NTRK3: variants seen among roughly 807,000 people sequenced by gnomAD.
The protein encoded by NTRK3 is NT-3 growth factor receptor.
Under a neutral mutation model 91.7 loss-of-function variants are expected in NTRK3, and 24 were observed. The ratio of observed to expected loss-of-function variants is 0.26; its 90% CI spans 0.19 to 0.37. The LOEUF (loss-of-function observed/expected upper bound fraction) is 0.37, where lower values mean the gene tolerates loss of function less well. NTRK3 is among the 10% of genes least tolerant of loss of function. NTRK3 has a pLI of 1.00. For missense variants in NTRK3, 880 were observed against 1,068.9 expected (o/e 0.82, Z 2.46); for synonymous variants, 483 against 404.0 (o/e 1.20, Z -2.34).
intron 9 of NTRK3, 84 bp from the exon 10 acceptor site, chr15:88,135,481 C>A: frequency 1.4e-6 from 2 of 1,440,130 alleles, no homozygotes; most frequent in Non-Finnish European, 1.9e-6. Flanking sequence ...AAATGGGAAT[C>A]CCGGTTCTTC....
In NTRK3 at chr15:87,957,458, C is replaced by G. The variant is rs139793532; in HGVS notation, c.1586-16705G>C. ...GTTCCACTGCCCCTGGCTGTATAAC[C>G]TCTTTGAGCCTCAATCTCCTCATCT... On this transcript the variant is annotated intron_variant, in intron 14 of 18. Transcript: ENST00000394480. Among the ~76,000 whole-genome samples the G allele has an allele frequency of 1.8e-3, 276 of 152,312 alleles. 2 individuals carry two copies. Among genetic ancestry groups the G allele is most frequent in the Non-Finnish European group, 3.2e-3 (220 of 68,034 alleles).
chr15:88,102,818 C>G (rs187640577), intron 13 of NTRK3, among the ~76,000 whole-genome samples: 36 of 152,256 alleles, frequency 2.4e-4, no homozygotes, highest in Non-Finnish European at 4.9e-4. Flanking sequence ...GATCACCTTC[C>G]AGAATCCGAC....
chr15:88,138,160 T>C (rs1447358469), intron 6 of NTRK3, among the ~76,000 whole-genome samples: 2 of 152,030 alleles, frequency 1.3e-5, no homozygotes, highest in African/African-American at 4.8e-5. Flanking sequence ...TCCCAGAACT[T>C]TGGGAGGCCG....
intron 3 of NTRK3, among the ~76,000 whole-genome samples, chr15:88,242,113 G>C (rs1024868824): frequency 6.6e-6 from 1 of 152,204 alleles, no homozygotes; most frequent in East Asian, 1.9e-4. Context: ...ACACTGATGC[G>C]TGGCTTTCCT....
chr15:87,862,922 C>A (rs2064564760), exon 19 of NTRK3: 1 of 230,860 alleles, frequency 4.3e-6, no homozygotes, highest in Non-Finnish European at 8.6e-6. Flanking sequence ...TTCTGCTCAA[C>A]TGCTGTGAAA....
intron 5 of NTRK3, among the ~76,000 whole-genome samples, chr15:88,178,315 A>AT (rs772372876): frequency 1.1e-4 from 17 of 152,264 alleles, no homozygotes; most frequent in Non-Finnish European, 2.2e-4. Flanking sequence ...CCATGTCACC[A>AT]TTTTTTCACC....
chr15:88,124,704 G>C (rs142587945), intron 13 of NTRK3, among the ~76,000 whole-genome samples: 4 of 152,292 alleles, frequency 2.6e-5, no homozygotes, highest in Non-Finnish European at 4.4e-5. Flanking sequence ...TCATCTTCTA[G>C]ATCTAGAAAG....
rs371109998 is a variant in NTRK3 at position 87,975,624 on chromosome 15, C to T, written c.1586-34871G>A. 8.6e-4 allele frequency among the ~76,000 whole-genome samples: 131 copies of T among 152,280 alleles called. 3 individuals carry two copies. The South Asian group carries it at 0.026, about 30-fold the overall frequency. ...TCTGCCCTATACCAGCTCTGACTTC[C>T]CTAGAGGCACCAACCCTGGGGTAAA... On this transcript the variant is annotated intron_variant, in intron 14 of 18. Coordinates refer to ENST00000394480, the Ensembl canonical transcript of NTRK3.
chr15:87,934,658 G>A (rs973925361), intron 15 of NTRK3, among the ~76,000 whole-genome samples: 1 of 152,108 alleles, frequency 6.6e-6, no homozygotes, highest in African/African-American at 2.4e-5. Context: ...TATGAAAAGG[G>A]CCCTAGACAT....
At chr15:88,034,080 C>T (rs1461828934) in intron 13 of NTRK3, among the ~76,000 whole-genome samples, 1 of 152,104 alleles carries the variant, frequency 6.6e-6, no homozygotes, top group Non-Finnish European at 1.5e-5. Context: ...TCCAGCTGGC[C>T]ACCAGACTCC....
chr15:87,896,835 G>A (rs956875498), intron 17 of NTRK3, among the ~76,000 whole-genome samples: 1 of 152,134 alleles, frequency 6.6e-6, no homozygotes, highest in Non-Finnish European at 1.5e-5. Context: ...AGTCAGAATT[G>A]CTTGCCTTCT....
intron 14 of NTRK3, among the ~76,000 whole-genome samples, chr15:88,008,291 T>C (rs1281919173): frequency 6.6e-6 from 1 of 152,102 alleles, no homozygotes; most frequent in Non-Finnish European, 1.5e-5. Context: ...CTGGTTCTAT[T>C]TCTACCAATG....
chr15:88,064,615 T>C (rs1597091745), intron 13 of NTRK3, among the ~76,000 whole-genome samples: 2 of 152,200 alleles, frequency 1.3e-5, no homozygotes, highest in African/African-American at 4.8e-5. Flanking sequence ...GTCTGTCTGG[T>C]TTCTATGCCC....
intron 3 of NTRK3, among the ~76,000 whole-genome samples, chr15:88,186,637 T>C (rs1302555240): frequency 6.6e-6 from 1 of 152,206 alleles, no homozygotes; most frequent in East Asian, 1.9e-4. Context: ...CATTTACATT[T>C]TTAAAAATCA....
chr15:87,877,076 T>C (rs774954330), exon 19 of NTRK3: 1 of 1,614,002 alleles, frequency 6.2e-7, no homozygotes. Context: ...TGGGGCAGAC[T>C]CGGGGCCGCT....
At chr15:88,013,215 A>C (rs112984851) in intron 14 of NTRK3, among the ~76,000 whole-genome samples, 43 of 150,668 alleles carry the variant, frequency 2.9e-4, no homozygotes, top group Middle Eastern at 3.4e-3. Flanking sequence ...ACTGGTAAAG[A>C]CCCACTACCA....
intron 15 of NTRK3, among the ~76,000 whole-genome samples, chr15:87,936,256 T>C (rs2069266453): frequency 6.6e-6 from 1 of 152,124 alleles, no homozygotes; most frequent in Non-Finnish European, 1.5e-5. Flanking sequence ...GCTCAGGCGT[T>C]TGTATAGTAT....
chr15:88,143,726 C>T (rs1029706979), intron 6 of NTRK3, among the ~76,000 whole-genome samples: 28 of 152,154 alleles, frequency 1.8e-4, no homozygotes, highest in East Asian at 7.7e-4. Flanking sequence ...TGTTTAGTGA[C>T]GTCTCCAAGA....
chr15:88,194,082 G>A (rs952990480), intron 3 of NTRK3, among the ~76,000 whole-genome samples: 4 of 152,064 alleles, frequency 2.6e-5, no homozygotes, highest in Non-Finnish European at 5.9e-5. Context: ...TCAATCTCTG[G>A]GTAGCATTTT....
Sources: allele counts gnomAD v4.1 joint callset (sites outside exome capture counted in the v4.1 genomes callset), GRCh38; gene constraint gnomAD v4.1.1; transcripts MANE v1.5; gene names NCBI Gene and HGNC (gene_info 2026-07-23, HGNC 2026-07-21).